The following GNAQ variants were observed in gnomAD, a reference collection of about 807,000 sequenced individuals.
GNAQ encodes the protein G protein subunit alpha q.
Under a neutral mutation model 43.9 loss-of-function variants are expected in GNAQ, and 8 were observed. The ratio of observed to expected loss-of-function variants is 0.18; its 90% CI spans 0.11 to 0.33. GNAQ has a LOEUF of 0.33. GNAQ is among the 10% of genes least tolerant of loss of function. The probability of loss-of-function intolerance (pLI) is 1.00; values close to 1 mark genes in which losing one functional copy is unlikely to be tolerated. For synonymous variants in GNAQ, 155 were observed against 170.7 expected, an observed-to-expected ratio of 0.91 and a Z score of 0.71; for missense variants, 158 against 450.8, an observed-to-expected ratio of 0.35 and a Z score of 5.88.
chr9:78,026,021 A>C (rs1823975214), intron 1 of GNAQ, among the ~76,000 whole-genome samples: 1 of 152,210 alleles, frequency 6.6e-6, no homozygotes, highest in African/African-American at 2.4e-5. Context: ...GCACTTCTGA[A>C]AACTGAACAT....
intron 5 of GNAQ, among the ~76,000 whole-genome samples, chr9:77,762,462 C>T (rs1433112352): frequency 6.5e-5 from 9 of 139,392 alleles, no homozygotes; most frequent in African/African-American, 2.0e-4. Flanking sequence ...CCGCCCCATC[C>T]GGGAGGGAGG....
At chr9:77,825,171 A>T (rs189489178) in intron 2 of GNAQ, among the ~76,000 whole-genome samples, 7 of 152,262 alleles carry the variant, frequency 4.6e-5, no homozygotes, top group Admixed American at 4.6e-4. Context: ...ACAAAAATAC[A>T]GTACTTAATT....
At chr9:77,759,768 TG>T (rs775192228) in intron 5 of GNAQ, among the ~76,000 whole-genome samples, 2 of 152,216 alleles carry the variant, frequency 1.3e-5, no homozygotes, top group Non-Finnish European at 2.9e-5. Context: ...GATGTGATTT[TG>T]GGAAGGTCTC....
At chr9:77,845,652 T>C (rs1024344750) in intron 2 of GNAQ, among the ~76,000 whole-genome samples, 1 of 152,172 alleles carries the variant, frequency 6.6e-6, no homozygotes, top group Non-Finnish European at 1.5e-5. Context: ...AACCATCTCT[T>C]TATAATCAGA....
intron 1 of GNAQ, among the ~76,000 whole-genome samples, chr9:77,972,179 C>T (rs903916474): frequency 9.2e-5 from 14 of 151,496 alleles, no homozygotes; most frequent in African/African-American, 2.7e-4. Context: ...ATACTAGAAA[C>T]AAAATCATTA....
In GNAQ at chr9:77,720,372, C is replaced by T. The variant is rs2025999; in HGVS notation, c.*951G>A. ...CATTTTAAAATCGTGGCCCAAACAC[C>T]AAGAAAAAAAAGAAAGGAAAAGCTT... On this transcript the variant is annotated 3_prime_UTR_variant, in exon 7 of 7. Coordinates refer to ENST00000286548, the MANE Select transcript of GNAQ (RefSeq NM_002072.5). 148,724 of 232,956 alleles carry T rather than the reference C, an allele frequency of 0.64. 48,445 individuals are homozygous for T. The highest frequency in any genetic ancestry group is 0.7 in the Non-Finnish European group (82,534 of 117,842). The allele number at this position is 232,956 out of a possible 1,614,324, so 14.4% of individuals were successfully genotyped here. A position where few individuals can be genotyped will look rare whatever the true frequency, so the allele number is the denominator to read the frequency against.
chr9:77,786,269 T>C (rs976238788), intron 5 of GNAQ, among the ~76,000 whole-genome samples: 1 of 151,184 alleles, frequency 6.6e-6, no homozygotes, highest in Non-Finnish European at 1.5e-5. Context: ...TCCCAGCTAC[T>C]TGGCAAGCTG....
At position 77,769,401 on chromosome 9, in the gene GNAQ, TA is replaced by T. The variant is rs1272398551; in HGVS notation, c.735+25061del. ...CCTGGGTGACAGCACAAGACTACCTTAAAAAAAAAAAAAAGGAAGAAGAACT... is the reference window on the plus strand; with the variant it reads ...CCTGGGTGACAGCACAAGACTACCTTAAAAAAAAAAAAAGGAAGAAGAACT... On this transcript the variant is annotated intron_variant, in intron 5 of 6. Coordinates refer to ENST00000286548, the MANE Select transcript of GNAQ (RefSeq NM_002072.5). 6.4e-3 allele frequency among the ~76,000 whole-genome samples: 872 copies of T among 135,908 alleles called. 1 individual carries two copies. Among genetic ancestry groups the T allele is most frequent in the African/African-American group, 7.9e-3 (293 of 36,892 alleles). 89.2% of individuals were successfully genotyped at this position (135,908 alleles called of 152,430 possible).
chr9:77,830,887 T>G (rs980471538), intron 2 of GNAQ, among the ~76,000 whole-genome samples: 1 of 152,064 alleles, frequency 6.6e-6, no homozygotes, highest in African/African-American at 2.4e-5. Context: ...CTTGTAAAAC[T>G]TGAGAAAAAG....
rs902804886 is a variant in GNAQ, at chr9:77,979,498, G to A, written c.136+51602C>T. Among the ~76,000 whole-genome samples, 4 of 151,938 alleles carry A rather than the reference G, an allele frequency of 2.6e-5. No individual in the cohort carries two copies. In the East Asian group the frequency reaches 5.8e-4, roughly 22 times the overall value. On this transcript the variant is annotated intron_variant, in intron 1 of 6. Coordinates refer to ENST00000286548, the MANE Select transcript of GNAQ (RefSeq NM_002072.5). ...CTACACTCATATGACCTCAATACCA[G>A]CTGGAGTTCATCCCCTTCTAGTAGG... is the stretch of plus-strand genomic sequence containing the variant.
intron 5 of GNAQ, among the ~76,000 whole-genome samples, chr9:77,786,818 A>T (rs1826488835): frequency 6.6e-6 from 1 of 152,226 alleles, no homozygotes; most frequent in Non-Finnish European, 1.5e-5. Context: ...TGCTTGTAAT[A>T]CTACTACTAG....
chr9:77,781,447 T>A (rs1826391772), intron 5 of GNAQ, among the ~76,000 whole-genome samples: 4 of 152,034 alleles, frequency 2.6e-5, no homozygotes, highest in Admixed American at 2.0e-4. Flanking sequence ...AAGAAAGAAA[T>A]CTTAGCAATT....
intron 3 of GNAQ, among the ~76,000 whole-genome samples, chr9:77,801,486 C>T (rs1413991441): frequency 2.6e-5 from 4 of 152,152 alleles, no homozygotes; most frequent in African/African-American, 7.2e-5. Context: ...ACACAGTTCA[C>T]AGCAATGAAA....
At chr9:77,791,691 G>A (rs1290446078) in intron 5 of GNAQ, among the ~76,000 whole-genome samples, 1 of 152,094 alleles carries the variant, frequency 6.6e-6, no homozygotes, top group African/African-American at 2.4e-5. Flanking sequence ...AAAAGCAAAA[G>A]CAATAATCTA....
chr9:77,965,317 T>TA (rs1165903768), intron 1 of GNAQ, among the ~76,000 whole-genome samples: 1 of 152,054 alleles, frequency 6.6e-6, no homozygotes, highest in Non-Finnish European at 1.5e-5. Flanking sequence ...CAATTAAAAT[T>TA]AACTACGACC....
At chr9:77,813,326 G>C (rs1188564643) in intron 3 of GNAQ, among the ~76,000 whole-genome samples, 1 of 152,128 alleles carries the variant, frequency 6.6e-6, no homozygotes, top group African/African-American at 2.4e-5. Context: ...TGTGCTAGAG[G>C]GCCCCACGTT....
intron 2 of GNAQ, among the ~76,000 whole-genome samples, chr9:77,821,667 ACT>A (rs1827114963): frequency 6.7e-6 from 1 of 148,248 alleles, no homozygotes; most frequent in South Asian, 2.1e-4. Context: ...AAAATTTTGC[ACT>A]CTCTGAAGTT....
At chr9:78,000,104 G>T (rs1344820189) in intron 1 of GNAQ, among the ~76,000 whole-genome samples, 1 of 152,096 alleles carries the variant, frequency 6.6e-6, no homozygotes, top group African/African-American at 2.4e-5. Context: ...AAATATTAGA[G>T]AACATAAACT....
chr9:77,743,686 T>C (rs1324101724), intron 5 of GNAQ, among the ~76,000 whole-genome samples: 1 of 152,170 alleles, frequency 6.6e-6, no homozygotes, highest in Non-Finnish European at 1.5e-5. Flanking sequence ...AGCTATGCCA[T>C]ACTTGTTAAA....
Sources: allele counts gnomAD v4.1 joint callset (sites outside exome capture counted in the v4.1 genomes callset), GRCh38; gene constraint gnomAD v4.1.1; transcripts MANE v1.5; gene names NCBI Gene and HGNC (gene_info 2026-07-23, HGNC 2026-07-21).